PANK4: variants seen among roughly 807,000 people sequenced by gnomAD.
PANK4 encodes the protein 4'-phosphopantetheine phosphatase.
PANK4 carries 40 observed loss-of-function variants against 87.9 expected under a neutral mutation model. The ratio of observed to expected loss-of-function variants is 0.46; its 90% CI spans 0.35 to 0.59. The LOEUF (loss-of-function observed/expected upper bound fraction) is 0.59, where lower values mean the gene tolerates loss of function less well. Among genes scored for constraint, PANK4 ranks in the 20% least tolerant of loss-of-function variants. PANK4 has a pLI of 0.00. For synonymous variants in PANK4, 524 were observed against 467.4 expected (o/e 1.12, Z -1.56); for missense variants, 926 against 1,072.3 (o/e 0.86, Z 1.90).
At chr1:2,511,539 C>T (rs1258239193) in intron 14 of PANK4, 89 bp downstream of exon 14, 2 of 1,127,216 alleles carry the variant, frequency 1.8e-6, no homozygotes, top group East Asian at 4.7e-5. Flanking sequence ...GTGCCTGGAC[C>T]CCGACCGCAA....
In PANK4 at chr1:2,520,449, G is replaced by A. The variant is rs368558605; in HGVS notation, c.607-35C>T. ...AGCCAGGGCAGGTGTGCCCTCAGTG[G>A]GCCCTCAGCCACACAGGCTCCCCCG... On this transcript the variant is annotated intron_variant, in intron 4 of 18. Transcript: ENST00000378466. The surrounding 1 kb of genome is among the most constrained non-coding windows in gnomAD (Gnocchi z 6.2). The A allele has an allele frequency of 2.2e-5, 35 of 1,575,244 alleles. No individual in the cohort carries two copies. Among genetic ancestry groups the A allele is most frequent in the Non-Finnish European group, 2.5e-5 (29 of 1,147,408 alleles).
At position 2,509,066 on chromosome 1, in the gene PANK4, G is replaced by A; in HGVS notation, c.2109-6C>T. On this transcript the variant is annotated splice_polypyrimidine_tract_variant and splice_region_variant and intron_variant, in intron 18 of 18. Coordinates refer to ENST00000378466, the MANE Select transcript of PANK4 (RefSeq NM_018216.4). The surrounding 1 kb of genome is among the most constrained non-coding windows in gnomAD (Gnocchi z 4.9). The stretch of plus-strand genomic sequence containing the variant: ...CCAGCCCCTTATCCAGGCGGCTTTG[G>A]GGAGGAAGAGGACGGTGAGACTGGG... 1.3e-6 allele frequency: 2 copies of A among 1,589,456 alleles called. No individual in the cohort carries two copies. The highest frequency in any genetic ancestry group is 1.7e-6 in the Non-Finnish European group (2 of 1,175,582).
chr1:2,521,557 A>C, intron 2 of PANK4, 161 bp downstream of exon 2: 1 of 751,978 alleles, frequency 1.3e-6, no homozygotes, highest in Non-Finnish European at 2.4e-6. Context: ...AGGGTCTTGA[A>C]GGGACACGGC....
At chr1:2,514,567 TG>T (rs1557439978) in intron 10 of PANK4, 101 bp from the exon 11 acceptor site, 6 of 58,068 alleles carry the variant, frequency 1.0e-4, no homozygotes, top group South Asian at 1.0e-3. Flanking sequence ...GGGTCGGCCG[TG>T]GGGGACTGTC....
chr1:2,517,914 T>C (rs7520135), intron 9 of PANK4, among the ~76,000 whole-genome samples: 4,388 of 152,312 alleles, frequency 0.029, 152 homozygotes, highest in African/African-American at 0.081. Flanking sequence ...GAAGGCCGGA[T>C]CACACAGACT....
intron 14 of PANK4, 39 bp downstream of exon 14, chr1:2,511,589 A>G: frequency 6.8e-7 from 1 of 1,460,138 alleles, no homozygotes; most frequent in Non-Finnish European, 9.6e-7. Flanking sequence ...GCATGGCCCC[A>G]GCACAAGGCA....
rs1455399926 is a variant in PANK4 at position 2,515,903 on chromosome 1, T to C, written c.1219-186A>G. On this transcript the variant is annotated intron_variant, in intron 9 of 18. Transcript: ENST00000378466. This position sits in a 1 kb window ranked among gnomAD's most constrained non-coding sequence, Gnocchi z 5.0. Reference sequence around the variant, plus strand: ...GCCCGGCGGCCTGAGCCGGATACCTTGACTTACCCCCTGGTTTGACACTGG... The same window carrying C: ...GCCCGGCGGCCTGAGCCGGATACCTCGACTTACCCCCTGGTTTGACACTGG... 2 of 628,360 alleles carry C rather than the reference T, an allele frequency of 3.2e-6. No individual in the cohort carries two copies. Among genetic ancestry groups the C allele is most frequent in the Non-Finnish European group, 5.5e-6 (2 of 361,204 alleles). 38.9% of individuals were successfully genotyped at this position (628,360 alleles called of 1,614,324 possible).
At position 2,508,627 on chromosome 1, in the gene PANK4, T is replaced by TAC. The variant is rs1469423124; in HGVS notation, c.*219_*220insGT. 2 of 320,956 alleles carry TAC rather than the reference T, an allele frequency of 6.2e-6. No individual in the cohort carries two copies. Among genetic ancestry groups the TAC allele is most frequent in the South Asian group, 7.0e-5 (1 of 14,384 alleles). 19.9% of individuals were successfully genotyped at this position (320,956 alleles called of 1,614,324 possible). The stretch of plus-strand genomic sequence containing the variant: ...ATCTCTCTATTTATATATATATATA[T>TAC]ATAAAAGGTTCTTTAGCAGTTAAAT... On this transcript the variant is annotated 3_prime_UTR_variant, in exon 19 of 19. Transcript: ENST00000378466. The surrounding 1 kb of genome is among the most constrained non-coding windows in gnomAD (Gnocchi z 5.1).
intron 2 of PANK4, 181 bp downstream of exon 2, chr1:2,521,537 G>A (rs779183246): frequency 4.2e-6 from 3 of 716,152 alleles, no homozygotes; most frequent in Non-Finnish European, 7.4e-6. Context: ...GCGGGCGCAG[G>A]TTCCTACAAA....
Position 2,519,797 on chromosome 1 carries a change from G to A in PANK4, c.853+4C>T, listed in dbSNP as rs1008772426. 3.6e-5 allele frequency: 56 copies of A among 1,573,994 alleles called. No individual in the cohort carries two copies. Among genetic ancestry groups the A allele is most frequent in the Non-Finnish European group, 4.6e-5 (54 of 1,161,358 alleles). ...TCTCTGGCGGCAGAGGCCGGGGTGA[G>A]CACCTTGGTCGGCGGTGGCCGACTT... On this transcript the variant is annotated splice_donor_region_variant and intron_variant, in intron 6 of 18. Coordinates refer to ENST00000378466, the MANE Select transcript of PANK4 (RefSeq NM_018216.4). The surrounding 1 kb of genome is among the most constrained non-coding windows in gnomAD (Gnocchi z 8.3).
Position 2,519,106 on chromosome 1 carries a change from C to A in PANK4, c.1035+37G>T, listed in dbSNP as rs764524506. 1.9e-6 allele frequency: 3 copies of A among 1,579,978 alleles called. No homozygotes were observed. The highest frequency in any genetic ancestry group is 2.6e-6 in the Non-Finnish European group (3 of 1,156,086). On this transcript the variant is annotated intron_variant, in intron 7 of 18. Transcript: ENST00000378466. The surrounding 1 kb of genome is among the most constrained non-coding windows in gnomAD (Gnocchi z 8.3). ...ACTGATTGGGAAGATCCTGGGGGGT[C>A]TGCGTTAGAGGCTGGGGAGGGCGGC...
At chr1:2,524,511 G>A (rs530724660) in intron 1 of PANK4, among the ~76,000 whole-genome samples, 5 of 152,232 alleles carry the variant, frequency 3.3e-5, no homozygotes, top group African/African-American at 9.6e-5. Flanking sequence ...TTTGAAGAGG[G>A]GAAATAAATA....
Position 2,510,474 on chromosome 1 carries a change from T to G in PANK4, c.1938+204A>C, listed in dbSNP as rs1479626210. On this transcript the variant is annotated intron_variant, in intron 16 of 18. Coordinates refer to ENST00000378466, the MANE Select transcript of PANK4 (RefSeq NM_018216.4). The surrounding 1 kb of genome is among the most constrained non-coding windows in gnomAD (Gnocchi z 4.9). ...GGCGTCAACCCTGGGCTTCAGCACA[T>G]GGACCCTCAGCCTGAGCCCAGGGGG... is the stretch of plus-strand genomic sequence containing the variant. 45 of 602,146 alleles carry G rather than the reference T, an allele frequency of 7.5e-5. No homozygotes were observed. The East Asian group carries it at 1.1e-3, about 15-fold the overall frequency. 37.3% of individuals were successfully genotyped at this position (602,146 alleles called of 1,614,324 possible).
rs1643710725 is a variant in PANK4 at position 2,513,935 on chromosome 1, A to G, written c.1575+67T>C. 7 of 1,194,302 alleles carry G rather than the reference A, an allele frequency of 5.9e-6. No individual in the cohort carries two copies. In the South Asian group the frequency reaches 8.4e-5, roughly 14 times the overall value. The allele number at this position is 1,194,302 out of a possible 1,614,324, so 74.0% of individuals were successfully genotyped here. A position where few individuals can be genotyped will look rare whatever the true frequency, so the allele number is the denominator to read the frequency against. On this transcript the variant is annotated intron_variant, in intron 12 of 18. Transcript: ENST00000378466. Reference sequence around the variant, plus strand: ...GATGCCCCGAGCCAGCGGGACAGAGACAGGACACGCGGTGCCAGCGGGACG... The same window carrying G: ...GATGCCCCGAGCCAGCGGGACAGAGGCAGGACACGCGGTGCCAGCGGGACG...
Position 2,519,853 on chromosome 1 carries a change from C to G in PANK4, c.801G>C (p.Leu267=), listed in dbSNP as rs1198651569. ...AGCTGCTGGCGATGAGGTTCCCGCTCAGCCCGAGAGTCTGGTGGGCGCCGC... is the reference window on the plus strand; with the variant it reads ...AGCTGCTGGCGATGAGGTTCCCGCTGAGCCCGAGAGTCTGGTGGGCGCCGC... The part of the protein sequence containing the change: ...VYGGAHQTLG[L]SGNLIASSFG... Residue 267 remains leucine, a synonymous_variant, in exon 6 of 19, where the codon CTG becomes CTC. Transcript: ENST00000378466. The surrounding 1 kb of genome is among the most constrained non-coding windows in gnomAD (Gnocchi z 8.3). 1 of 1,574,864 alleles carries G rather than the reference C, an allele frequency of 6.3e-7. No homozygotes were observed. The highest frequency in any genetic ancestry group is 1.7e-4 in the Middle Eastern group (1 of 6,026).
At chr1:2,524,324 T>C (rs1182456027) in intron 1 of PANK4, among the ~76,000 whole-genome samples, 1 of 151,912 alleles carries the variant, frequency 6.6e-6, no homozygotes, top group Non-Finnish European at 1.5e-5. Flanking sequence ...GAAGCCTGCT[T>C]TTAAACAACA....
chr1:2,512,611 G>A (rs1643680075), intron 13 of PANK4: 1 of 456,880 alleles, frequency 2.2e-6, no homozygotes, highest in Non-Finnish European at 3.9e-6. Context: ...GAAAATGCCA[G>A]CCCCGATTTT....
At position 2,509,047 on chromosome 1, in the gene PANK4, C is replaced by A; in HGVS notation, c.2122G>T (p.Gly708Trp). ...PCLDLSRLDK[G>W]LAALVRERGA... ...CGCTCCCGCACCAGTGCGGCCAGCC[C>A]CTTATCCAGGCGGCTTTGGGGAGGA... The change falls in exon 19 of 19, where the codon GGG becomes TGG. Residue 708 changes from glycine (G) to tryptophan (W), a missense_variant. Coordinates refer to ENST00000378466, the MANE Select transcript of PANK4 (RefSeq NM_018216.4). This position sits in a 1 kb window ranked among gnomAD's most constrained non-coding sequence, Gnocchi z 4.9. The A allele has an allele frequency of 6.3e-7, 1 of 1,598,494 alleles. No homozygotes were observed.
intron 1 of PANK4, among the ~76,000 whole-genome samples, chr1:2,523,559 C>T (rs1227633060): frequency 6.6e-6 from 1 of 152,136 alleles, no homozygotes; most frequent in Non-Finnish European, 1.5e-5. Context: ...AAATACATGC[C>T]CAAACAGGAT....
Sources: allele counts gnomAD v4.1 joint callset (sites outside exome capture counted in the v4.1 genomes callset), GRCh38; gene constraint gnomAD v4.1.1; non-coding constraint Gnocchi (gnomAD v3.1); transcripts MANE v1.5; gene names NCBI Gene and HGNC (gene_info 2026-07-23, HGNC 2026-07-21).